Variants in KLRG1 observed in about 807,000 individuals in gnomAD.
KLRG1 encodes killer cell lectin-like receptor subfamily G member 1.
In KLRG1, 16 loss-of-function variants were observed where a neutral mutation model predicts 21.8. The ratio of observed to expected loss-of-function variants is 0.73; its 90% CI spans 0.50 to 1.11. KLRG1 has a LOEUF of 1.11. KLRG1 is among the 50% of genes most tolerant of loss of function. KLRG1 has a pLI of 0.00. For synonymous variants in KLRG1, 69 were observed against 75.9 expected (o/e 0.91, Z 0.47); for missense variants, 173 against 218.3 (o/e 0.79, Z 1.31).
At chr12:9,098,017 T>C in the KLRG1 span, among the ~76,000 whole-genome samples, 3 of 152,254 alleles carry the variant, frequency 2.0e-5, no homozygotes, top group Non-Finnish European at 1.5e-5. Flanking sequence ...GTTAGGCTTT[T>C]TGAAATGTTG....
intron 2 of KLRG1, among the ~76,000 whole-genome samples, chr12:8,994,070 ATTGT>A (rs1565547237): frequency 6.6e-6 from 1 of 151,864 alleles, no homozygotes; most frequent in Admixed American, 6.6e-5. Flanking sequence ...TTCATCTTTG[ATTGT>A]TTGTTTTTGA....
At chr12:9,070,341 A>G in the KLRG1 span, 1 of 635,268 alleles carries the variant, frequency 1.6e-6, no homozygotes, top group Admixed American at 2.6e-5. Context: ...TCATACAAAC[A>G]CATGTGATTA....
the KLRG1 span, among the ~76,000 whole-genome samples, chr12:9,163,027 CA>C: frequency 6.6e-6 from 1 of 152,124 alleles, no homozygotes; most frequent in Non-Finnish European, 1.5e-5. Flanking sequence ...GAGAACATAA[CA>C]TCCTACTTGT....
chr12:9,022,866 C>T, the KLRG1 span, among the ~76,000 whole-genome samples: 1 of 152,132 alleles, frequency 6.6e-6, no homozygotes, highest in Non-Finnish European at 1.5e-5. Flanking sequence ...GAACTTGTTC[C>T]AAGAGCTTCT....
At chr12:9,024,212 G>C in the KLRG1 span, among the ~76,000 whole-genome samples, 1 of 151,638 alleles carries the variant, frequency 6.6e-6, no homozygotes, top group Non-Finnish European at 1.5e-5. Context: ...ATTTTTAATA[G>C]AGACAGGGGT....
At chr12:9,078,106 A>C in the KLRG1 span, among the ~76,000 whole-genome samples, 1 of 152,170 alleles carries the variant, frequency 6.6e-6, no homozygotes, top group Non-Finnish European at 1.5e-5. Context: ...ATACATGTGC[A>C]GAACGTGCAG....
At chr12:9,004,920 A>AT (rs1175812070) in intron 3 of KLRG1, among the ~76,000 whole-genome samples, 2 of 152,142 alleles carry the variant, frequency 1.3e-5, no homozygotes, top group African/African-American at 4.8e-5. Flanking sequence ...TGTTATTAAC[A>AT]TTTTTTTAAA....
At chr12:9,022,780 G>T in the KLRG1 span, among the ~76,000 whole-genome samples, 5 of 152,090 alleles carry the variant, frequency 3.3e-5, no homozygotes, top group Admixed American at 6.5e-5. Context: ...AGGTTGAGTT[G>T]ATCAATGGCC....
At chr12:9,059,988 C>T in the KLRG1 span, among the ~76,000 whole-genome samples, 2 of 146,184 alleles carry the variant, frequency 1.4e-5, no homozygotes, top group Non-Finnish European at 3.0e-5. Context: ...CCCAGCCAGC[C>T]CTGGCATCTT....
At chr12:9,076,639 A>G in the KLRG1 span, 1 of 872,464 alleles carries the variant, frequency 1.1e-6, no homozygotes, top group Non-Finnish European at 1.8e-6. Context: ...AATATATATG[A>G]TATATAGAAA....
the KLRG1 span, chr12:9,127,867 C>A: frequency 3.8e-6 from 1 of 261,158 alleles, no homozygotes; most frequent in Non-Finnish European, 7.8e-6. Context: ...CCCCGGGGCC[C>A]CGGCAATTAC....
chr12:9,069,890 T>G, the KLRG1 span: 706 of 1,245,852 alleles, frequency 5.7e-4, 5 homozygotes, highest in Admixed American at 2.7e-3. Context: ...AATCTTTGTA[T>G]TGCCAAAATA....
the KLRG1 span, among the ~76,000 whole-genome samples, chr12:9,030,907 G>A: frequency 6.6e-6 from 1 of 152,180 alleles, no homozygotes; most frequent in African/African-American, 2.4e-5. Context: ...CTATGTAAAG[G>A]TTGATAAGAT....
At chr12:9,212,089 G>T in the KLRG1 span, among the ~76,000 whole-genome samples, 1 of 152,274 alleles carries the variant, frequency 6.6e-6, no homozygotes, top group African/African-American at 2.4e-5. Context: ...AGGTTCCTAG[G>T]CAGACAGTGC....
chr12:9,079,232 T>C, the KLRG1 span: 1 of 1,610,902 alleles, frequency 6.2e-7, no homozygotes, highest in South Asian at 1.1e-5. Context: ...CAAAAAATTG[T>C]TCTTTCCTTA....
At chr12:8,965,821 G>T (rs778843042) in intron 1 of KLRG1, among the ~76,000 whole-genome samples, 10 of 152,026 alleles carry the variant, frequency 6.6e-5, no homozygotes, top group Non-Finnish European at 2.9e-5. Flanking sequence ...TTTCTTCACA[G>T]AATTGGAAAA....
the KLRG1 span, among the ~76,000 whole-genome samples, chr12:9,140,393 C>T: frequency 4.0e-4 from 61 of 152,216 alleles, 2 homozygotes; most frequent in African/African-American, 1.3e-3. Context: ...GTTTCTTACT[C>T]GGCCCAATTG....
chr12:9,035,758 C>G, the KLRG1 span, among the ~76,000 whole-genome samples: 13 of 152,108 alleles, frequency 8.5e-5, no homozygotes, highest in Non-Finnish European at 1.6e-4. Context: ...AGATGCCCAT[C>G]AACAGTGGAC....
chr12:9,040,004 T>C, the KLRG1 span, among the ~76,000 whole-genome samples: 1 of 152,100 alleles, frequency 6.6e-6, no homozygotes, highest in Non-Finnish European at 1.5e-5. Context: ...AATGGAACTA[T>C]CAATAATAGA....
Sources: gnomAD v4.1 joint callset for allele counts (sites outside exome capture counted in the v4.1 genomes callset) on GRCh38, gnomAD v4.1.1 for gene constraint, MANE v1.5 for transcripts, NCBI Gene and HGNC (gene_info 2026-07-23, HGNC 2026-07-21) for gene names.